The following VTCN1 variants were observed in gnomAD, a reference collection of about 807,000 sequenced individuals.
VTCN1 encodes the protein V-set domain-containing T-cell activation inhibitor 1.
Under a neutral mutation model 26.5 loss-of-function variants are expected in VTCN1, and 26 were observed. The observed-to-expected ratio is 0.98, with a 90% CI of 0.72 to 1.36. VTCN1 has a LOEUF of 1.36. Among genes scored for constraint, VTCN1 ranks in the 40% most tolerant of loss-of-function variants. The pLI, the probability that VTCN1 is intolerant of heterozygous loss-of-function variation, is 0.00. For missense variants in VTCN1, 298 were observed against 337.7 expected (o/e 0.88, Z 0.92); for synonymous variants, 116 against 130.7 (o/e 0.89, Z 0.77).
chr1:117,148,511 C>G (rs947782748), intron 4 of VTCN1, among the ~76,000 whole-genome samples: 1 of 152,232 alleles, frequency 6.6e-6, no homozygotes, highest in Non-Finnish European at 1.5e-5. Flanking sequence ...CAACATCACT[C>G]AAGCCTAATA....
In VTCN1 at chr1:117,159,931, G is replaced by C. The variant is rs1652278870; in HGVS notation, c.98-3010C>G. Among the ~76,000 whole-genome samples, 1 of 152,196 alleles carries C rather than the reference G, an allele frequency of 6.6e-6. No individual in the cohort carries two copies. The highest frequency in any genetic ancestry group is 1.5e-5 in the Non-Finnish European group (1 of 68,038). ...TAGAAATATTAATTATGTGCCAGCT[G>C]TATCCAACTGCTTCCTCCTCACTTG... is the stretch of plus-strand genomic sequence containing the variant. On this transcript the variant is annotated intron_variant, in intron 2 of 5. Transcript: ENST00000369458. This position sits in a 1 kb window ranked among gnomAD's most constrained non-coding sequence, Gnocchi z 4.7.
chr1:117,193,069 G>A (rs1205612759), intron 1 of VTCN1, among the ~76,000 whole-genome samples: 1 of 152,104 alleles, frequency 6.6e-6, no homozygotes, highest in African/African-American at 2.4e-5. Flanking sequence ...ATTGTATTAG[G>A]TATTTTAAGT....
At chr1:117,172,883 T>C in intron 1 of VTCN1, among the ~76,000 whole-genome samples, 2 of 152,102 alleles carry the variant, frequency 1.3e-5, no homozygotes, top group East Asian at 3.9e-4. Flanking sequence ...CTCTGTAAAA[T>C]GGACCAATCA....
intron 4 of VTCN1, among the ~76,000 whole-genome samples, chr1:117,151,924 A>C (rs1404800742): frequency 6.6e-6 from 1 of 152,106 alleles, no homozygotes; most frequent in Non-Finnish European, 1.5e-5. Context: ...GTGATATCTC[A>C]TTGTGGTTTT....
intron 1 of VTCN1, among the ~76,000 whole-genome samples, chr1:117,187,830 A>G (rs1570977859): frequency 6.6e-6 from 1 of 152,164 alleles, no homozygotes; most frequent in Admixed American, 6.5e-5. Flanking sequence ...TTTAAAGAAC[A>G]AAACAAAAAA....
Position 117,153,321 on chromosome 1 carries a change from G to A in VTCN1, c.494C>T (p.Thr165Ile), listed in dbSNP as rs765554036. Reference protein sequence around the residue: ...VNVDYNASSETLRCEAPRWFP... With the variant: ...VNVDYNASSEILRCEAPRWFP... ...CCATCGGGGAGCCTCACACCGCAAG[G>A]TCTCTGAGCTGGCATTATAGTCCAC... is the stretch of plus-strand genomic sequence containing the variant. Residue 165 changes from threonine (T) to isoleucine (I), a missense_variant, in exon 4 of 6, where the codon ACC (threonine) becomes ATC (isoleucine). By Grantham distance (89) the Thr-to-Ile change is moderately conservative (BLOSUM62 -1). Transcript: ENST00000369458. 6.2e-7 allele frequency: 1 copy of A among 1,613,942 alleles called. No homozygotes were observed. The highest frequency in any genetic ancestry group is 8.5e-7 in the Non-Finnish European group (1 of 1,179,868).
intron 1 of VTCN1, among the ~76,000 whole-genome samples, chr1:117,198,087 C>T (rs1258677536): frequency 6.6e-6 from 1 of 152,208 alleles, no homozygotes; most frequent in Non-Finnish European, 1.5e-5. Flanking sequence ...TTCAACCTTA[C>T]TCAGCTACAG....
intron 1 of VTCN1, among the ~76,000 whole-genome samples, chr1:117,208,406 TC>T (rs1649202713): frequency 6.6e-6 from 1 of 152,148 alleles, no homozygotes; most frequent in African/African-American, 2.4e-5. Context: ...AGGGAAGTGC[TC>T]CCCTTGCAAC....
chr1:117,209,964 A>G (rs1309053399), intron 1 of VTCN1, among the ~76,000 whole-genome samples: 1 of 152,122 alleles, frequency 6.6e-6, no homozygotes, highest in African/African-American at 2.4e-5. Context: ...TGTGGGAAAA[A>G]GAAACAAATT....
At position 117,161,734 on chromosome 1, in the gene VTCN1, C is replaced by T. The variant is rs7512420; in HGVS notation, c.98-4813G>A. Among the ~76,000 whole-genome samples, 7,914 of 152,220 alleles carry T rather than the reference C, an allele frequency of 0.052. 671 individuals are homozygous for T. Among genetic ancestry groups the T allele is most frequent in the African/African-American group, 0.17 (7,252 of 41,500 alleles). ...GTTTGGCAGGATTACCACATCTAAA[C>T]TTTGGGGAAATGTGATCCAATGAAA... On this transcript the variant is annotated intron_variant, in intron 2 of 5. Coordinates refer to ENST00000369458, the MANE Select transcript of VTCN1 (RefSeq NM_024626.4). This position sits in a 1 kb window ranked among gnomAD's most constrained non-coding sequence, Gnocchi z 4.3.
chr1:117,200,186 G>A (rs1451304182), intron 1 of VTCN1, among the ~76,000 whole-genome samples: 1 of 152,138 alleles, frequency 6.6e-6, no homozygotes, highest in Non-Finnish European at 1.5e-5. Flanking sequence ...AGGATTGCTT[G>A]AGCCCAGGAG....
rs1652803622 is a variant in VTCN1, at chr1:117,169,798, G to A, written c.97+309C>T. Among the ~76,000 whole-genome samples the A allele has an allele frequency of 6.6e-6, 1 of 152,130 alleles. No individual in the cohort carries two copies. The highest frequency in any genetic ancestry group is 2.4e-5 in the African/African-American group (1 of 41,422). ...TAGTCCTAGCTACTTGGGAGGCTGA[G>A]GTGAGAGGATGGCTTGAACCCAGGA... On this transcript the variant is annotated intron_variant, in intron 2 of 5. Coordinates refer to ENST00000369458, the MANE Select transcript of VTCN1 (RefSeq NM_024626.4). The surrounding 1 kb of genome is among the most constrained non-coding windows in gnomAD (Gnocchi z 4.0).
In VTCN1 at chr1:117,210,905, C is replaced by G; in HGVS notation, c.-50G>C. 1.2e-6 allele frequency: 2 copies of G among 1,605,808 alleles called. No individual in the cohort carries two copies. ...CTGGGTACTGGCTGAGTGGAGCTGC[C>G]GCTGCCTTCCTTGGTGACTCACAAC... On this transcript the variant is annotated 5_prime_UTR_variant, in exon 1 of 6. Coordinates refer to ENST00000369458, the MANE Select transcript of VTCN1 (RefSeq NM_024626.4).
At chr1:117,204,068 C>G (rs1648922532) in intron 1 of VTCN1, among the ~76,000 whole-genome samples, 2 of 152,180 alleles carry the variant, frequency 1.3e-5, no homozygotes, top group South Asian at 4.1e-4. Flanking sequence ...CATTGAAATC[C>G]CAAAAGATTC....
At chr1:117,193,426 C>G (rs1648349498) in intron 1 of VTCN1, among the ~76,000 whole-genome samples, 1 of 151,984 alleles carries the variant, frequency 6.6e-6, no homozygotes, top group African/African-American at 2.4e-5. Context: ...CAAATGGTAA[C>G]CAAAAGAGAA....
intron 1 of VTCN1, among the ~76,000 whole-genome samples, chr1:117,205,302 G>A (rs1044510507): frequency 6.6e-6 from 1 of 151,770 alleles, no homozygotes; most frequent in South Asian, 2.1e-4. Flanking sequence ...CTACAGGCAT[G>A]TACCACCACA....
intron 1 of VTCN1, chr1:117,173,211 G>C: frequency 1.4e-6 from 1 of 716,076 alleles, no homozygotes; most frequent in Non-Finnish European, 2.6e-6. Context: ...CTTCATTCTT[G>C]AAGTCAGCAA....
At chr1:117,207,502 C>A (rs1570999700) in intron 1 of VTCN1, among the ~76,000 whole-genome samples, 1 of 152,062 alleles carries the variant, frequency 6.6e-6, no homozygotes, top group South Asian at 2.1e-4. Flanking sequence ...TCCGTCCTGG[C>A]CCCTTGCTTC....
chr1:117,196,310 T>A (rs1009624308), intron 1 of VTCN1, among the ~76,000 whole-genome samples: 2 of 151,846 alleles, frequency 1.3e-5, no homozygotes, highest in African/African-American at 2.4e-5. Context: ...GAAGATTTAT[T>A]TGAGAAATAC....
Sources: gnomAD v4.1 joint callset for allele counts (sites outside exome capture counted in the v4.1 genomes callset) on GRCh38, gnomAD v4.1.1 for gene constraint, Gnocchi (gnomAD v3.1) non-coding constraint, MANE v1.5 for transcripts, NCBI Gene and HGNC (gene_info 2026-07-23, HGNC 2026-07-21) for gene names.